TMEM132D: variants seen among roughly 807,000 people sequenced by gnomAD.
TMEM132D encodes transmembrane protein 132D, also known as mature OL transmembrane protein.
A neutral mutation model predicts 62.3 loss-of-function variants in TMEM132D; 21 were observed. That is an observed-to-expected ratio of 0.34 (90% CI 0.24 to 0.49). The LOEUF is 0.49. Ranked by LOEUF, TMEM132D falls within the 20% of genes least tolerant of loss-of-function variation. TMEM132D has a pLI of 0.99. For missense variants in TMEM132D, 1,346 were observed against 1,402.8 expected (o/e 0.96, Z 0.65); for synonymous variants, 621 against 575.6 (o/e 1.08, Z -1.13).
At chr12:129,738,503 T>A (rs1428951601) in intron 1 of TMEM132D, among the ~76,000 whole-genome samples, 1 of 152,156 alleles carries the variant, frequency 6.6e-6, no homozygotes, top group Non-Finnish European at 1.5e-5. Context: ...GAGTAAAGAC[T>A]GCAGAGATGC....
At chr12:129,681,419 G>A (rs1880776609) in intron 2 of TMEM132D, 1 of 152,356 alleles carries the variant, frequency 6.6e-6, no homozygotes, top group South Asian at 2.1e-4. Context: ...CTGGTTTAAA[G>A]GATCAAAGAC....
intron 5 of TMEM132D, among the ~76,000 whole-genome samples, chr12:129,101,424 A>T (rs1414413312): frequency 6.6e-6 from 1 of 152,180 alleles, no homozygotes; most frequent in Non-Finnish European, 1.5e-5. Context: ...CAGTTACTGG[A>T]GTCCCCACCA....
At chr12:129,437,379 A>G (rs1317579502) in intron 3 of TMEM132D, among the ~76,000 whole-genome samples, 1 of 152,194 alleles carries the variant, frequency 6.6e-6, no homozygotes, top group African/African-American at 2.4e-5. Context: ...GTCTGCTTAG[A>G]GCCACTGTAT....
intron 3 of TMEM132D, among the ~76,000 whole-genome samples, chr12:129,357,529 AGAAAG>A (rs1449085189): frequency 6.6e-6 from 1 of 151,790 alleles, no homozygotes; most frequent in African/African-American, 2.4e-5. Flanking sequence ...AAGGAAGGAA[AGAAAG>A]GAAAGAAAGA....
At chr12:129,298,565 T>C (rs1315499327) in intron 4 of TMEM132D, among the ~76,000 whole-genome samples, 3 of 152,218 alleles carry the variant, frequency 2.0e-5, no homozygotes, top group Non-Finnish European at 4.4e-5. Flanking sequence ...TGCTTCCTCC[T>C]ATCTGATTGT....
intron 4 of TMEM132D, among the ~76,000 whole-genome samples, chr12:129,245,699 C>T (rs1880082062): frequency 6.6e-6 from 1 of 151,988 alleles, no homozygotes; most frequent in Admixed American, 6.6e-5. Flanking sequence ...AGGGCAGGCC[C>T]CAGCACCGTG....
chr12:129,679,896 TA>T (rs1880736583), intron 2 of TMEM132D, among the ~76,000 whole-genome samples: 1 of 152,214 alleles, frequency 6.6e-6, no homozygotes, highest in Non-Finnish European at 1.5e-5. Context: ...GCAATATATT[TA>T]TATAAATGGG....
At chr12:129,859,610 G>C (rs959470615) in intron 1 of TMEM132D, among the ~76,000 whole-genome samples, 1 of 152,150 alleles carries the variant, frequency 6.6e-6, no homozygotes, top group Non-Finnish European at 1.5e-5. Context: ...CAGTGTGGGC[G>C]GGCACCAACC....
At position 129,074,996 on chromosome 12, in the gene TMEM132D, C is replaced by T. The variant is rs546922206; in HGVS notation, c.2179G>A (p.Asp727Asn). Reference protein sequence around the residue: ...DGSVTPLDIYDGKDFSLMATS... With the variant: ...DGSVTPLDIYNGKDFSLMATS... The stretch of plus-strand genomic sequence containing the variant: ...GCCATCAAGGAGAAGTCTTTCCCAT[C>T]GTAAATATCCAAGGGCGTGACTGAG... Residue 727 changes from aspartate (D) to asparagine (N), a missense_variant, in exon 9 of 9, where the codon GAT becomes AAT. Physicochemically the swap from Asp to Asn is conservative, Grantham distance 23. Coordinates refer to ENST00000422113, the MANE Select transcript of TMEM132D (RefSeq NM_133448.3). The T allele has an allele frequency of 2.2e-5, 36 of 1,613,738 alleles. No individual in the cohort carries two copies. Among genetic ancestry groups the T allele is most frequent in the South Asian group, 2.2e-4 (20 of 91,072 alleles).
chr12:129,742,682 C>T (rs1299422174), intron 1 of TMEM132D, among the ~76,000 whole-genome samples: 2 of 152,180 alleles, frequency 1.3e-5, no homozygotes, highest in East Asian at 3.9e-4. Context: ...ACACTGTGTA[C>T]CATGAGTCTA....
At chr12:129,360,171 G>A (rs1236530586) in intron 3 of TMEM132D, among the ~76,000 whole-genome samples, 1 of 152,024 alleles carries the variant, frequency 6.6e-6, no homozygotes, top group African/African-American at 2.4e-5. Context: ...TGGCCAACAG[G>A]AAACCCCGGT....
chr12:129,730,690 C>T (rs965316929), intron 1 of TMEM132D, among the ~76,000 whole-genome samples: 1 of 151,950 alleles, frequency 6.6e-6, no homozygotes, highest in Admixed American at 6.6e-5. Flanking sequence ...CAGACCCACC[C>T]TCATTCTCGG....
chr12:129,792,366 G>C (rs1041404605), intron 1 of TMEM132D, among the ~76,000 whole-genome samples: 2 of 152,106 alleles, frequency 1.3e-5, no homozygotes, highest in Non-Finnish European at 2.9e-5. Flanking sequence ...CTGTAAAACG[G>C]GATCAATGTG....
At chr12:129,320,251 A>G (rs898538503) in intron 4 of TMEM132D, among the ~76,000 whole-genome samples, 10 of 152,240 alleles carry the variant, frequency 6.6e-5, no homozygotes, top group Non-Finnish European at 1.3e-4. Flanking sequence ...TGGGTCCAAA[A>G]CTGAGACTGA....
chr12:129,787,133 T>C (rs1301146827), intron 1 of TMEM132D, among the ~76,000 whole-genome samples: 1 of 149,958 alleles, frequency 6.7e-6, no homozygotes, highest in Admixed American at 6.6e-5. Context: ...ACCCTCCTCA[T>C]TATAATTTCT....
intron 3 of TMEM132D, among the ~76,000 whole-genome samples, chr12:129,429,539 A>G (rs1178184928): frequency 2.6e-5 from 4 of 151,490 alleles, no homozygotes; most frequent in Non-Finnish European, 5.9e-5. Flanking sequence ...CCTCCCAAGT[A>G]GCTGAGACAC....
intron 1 of TMEM132D, among the ~76,000 whole-genome samples, chr12:129,889,479 G>C (rs1000879630): frequency 2.0e-5 from 3 of 152,024 alleles, no homozygotes; most frequent in Non-Finnish European, 2.9e-5. Flanking sequence ...CTGAGACACC[G>C]GCATTACCTG....
intron 5 of TMEM132D, among the ~76,000 whole-genome samples, chr12:129,098,272 A>T (rs1344144642): frequency 6.6e-6 from 1 of 152,244 alleles, no homozygotes; most frequent in African/African-American, 2.4e-5. Context: ...TCGTTGACAA[A>T]GGAGTAAAGG....
chr12:129,240,851 G>T lies in TMEM132D; in HGVS notation c.1300-31188C>A, dbSNP rs75415584. ...GAGGAAGACAACACCTTCTAGCTAG[G>T]TGTTGAAGCCATAGCCTGAGGCTTC... is the stretch of plus-strand genomic sequence containing the variant. On this transcript the variant is annotated intron_variant, in intron 4 of 8. Transcript: ENST00000422113. 3.1e-3 allele frequency among the ~76,000 whole-genome samples: 478 copies of T among 152,236 alleles called. 3 individuals carry two copies. Among genetic ancestry groups the T allele is most frequent in the African/African-American group, 0.011 (454 of 41,542 alleles).
Sources: gnomAD v4.1 joint callset for allele counts (sites outside exome capture counted in the v4.1 genomes callset) on GRCh38, gnomAD v4.1.1 for gene constraint, MANE v1.5 for transcripts, NCBI Gene and HGNC (gene_info 2026-07-23, HGNC 2026-07-21) for gene names.